SCML4: variants seen among roughly 807,000 people sequenced by gnomAD.
SCML4 encodes the protein sex comb on midleg-like protein 4.
In SCML4, 34 loss-of-function variants were observed where a neutral mutation model predicts 41.1. The observed-to-expected ratio is 0.83, with a 90% CI of 0.63 to 1.10. The LOEUF (loss-of-function observed/expected upper bound fraction) is 1.10, where lower values mean the gene tolerates loss of function less well. Ranked by LOEUF, SCML4 falls within the 50% of genes least tolerant of loss-of-function variation. The probability of loss-of-function intolerance (pLI) is 0.00; values close to 1 mark genes in which losing one functional copy is unlikely to be tolerated. For synonymous variants in SCML4, 214 were observed against 220.9 expected (o/e 0.97, Z 0.28); for missense variants, 522 against 534.1 (o/e 0.98, Z 0.22).
chr6:107,711,444 G>A (rs911689927), intron 6 of SCML4, among the ~76,000 whole-genome samples: 2 of 152,160 alleles, frequency 1.3e-5, no homozygotes, highest in African/African-American at 4.8e-5. Flanking sequence ...TGCTGTACAG[G>A]TTTGTAGCCT....
In SCML4 at chr6:107,792,268, G is replaced by GT. The variant is rs1399975280; in HGVS notation, c.-59-19883dup. Reference sequence around the variant, plus strand: ...TCCAGTGGCATGCCACAGGTCTCTAGTTTTAGTTCTATTCTACCCAATAAC... The same window carrying GT: ...TCCAGTGGCATGCCACAGGTCTCTAGTTTTTAGTTCTATTCTACCCAATAAC... On this transcript the variant is annotated intron_variant, in intron 1 of 7. Coordinates refer to ENST00000369020, the MANE Select transcript of SCML4 (RefSeq NM_198081.5). Among the ~76,000 whole-genome samples the GT allele has an allele frequency of 3.9e-5, 6 of 152,318 alleles. No individual in the cohort carries two copies. In the East Asian group the frequency reaches 9.7e-4, roughly 25 times the overall value.
intron 1 of SCML4, among the ~76,000 whole-genome samples, chr6:107,821,996 G>C (rs1312884334): frequency 6.6e-6 from 1 of 152,134 alleles, no homozygotes; most frequent in Non-Finnish European, 1.5e-5. Flanking sequence ...ATTCCTCTCC[G>C]AGCATTCCTT....
chr6:107,753,858 C>T (rs1778891038), intron 2 of SCML4, among the ~76,000 whole-genome samples: 1 of 152,138 alleles, frequency 6.6e-6, no homozygotes, highest in African/African-American at 2.4e-5. Flanking sequence ...AGAGGACGCA[C>T]ATACTTTCCA....
intron 1 of SCML4, among the ~76,000 whole-genome samples, chr6:107,778,916 C>T (rs959675951): frequency 1.3e-5 from 2 of 152,072 alleles, no homozygotes; most frequent in Non-Finnish European, 2.9e-5. Flanking sequence ...CGCGGTGGCT[C>T]ACGCCTGTAA....
intron 1 of SCML4, among the ~76,000 whole-genome samples, chr6:107,774,474 A>G (rs1583552235): frequency 6.6e-6 from 1 of 152,206 alleles, no homozygotes; most frequent in Non-Finnish European, 1.5e-5. Context: ...TTTTCCAAAA[A>G]GAGGCTACTA....
upstream of SCML4, among the ~76,000 whole-genome samples, chr6:107,827,663 C>T (rs111278088): frequency 2.5e-4 from 38 of 152,240 alleles, no homozygotes; most frequent in African/African-American, 9.1e-4. Context: ...GGTTGTGCCA[C>T]GTTGTTAATT....
chr6:107,776,113 A>G (rs1780924502), intron 1 of SCML4, among the ~76,000 whole-genome samples: 2 of 152,166 alleles, frequency 1.3e-5, no homozygotes, highest in African/African-American at 4.8e-5. Context: ...AGTACTGGAT[A>G]TTAGAAAACT....
At position 107,707,987 on chromosome 6, in the gene SCML4, T is replaced by C. The variant is rs931097635; in HGVS notation, c.998A>G (p.Gln333Arg). ...RCASSPSQDA[Q>R]DARRPRSRNP... is the part of the protein sequence containing the mutation. The stretch of plus-strand genomic sequence containing the variant: ...CCTGCTCCGTGGCCGCCTGGCATCC[T>C]GCGCATCCTGAGAAGGGCTTGAGGC... Residue 333 changes from glutamine (Q) to arginine (R), a missense_variant, in exon 7 of 8, where the codon CAG becomes CGG. By Grantham distance (43) the Gln-to-Arg change is conservative. Transcript: ENST00000369020. 1.9e-6 allele frequency: 3 copies of C among 1,551,096 alleles called. No homozygotes were observed. The highest frequency in any genetic ancestry group is 1.7e-6 in the Non-Finnish European group (2 of 1,147,006).
At chr6:107,738,248 G>C (rs1025714563) in intron 5 of SCML4, among the ~76,000 whole-genome samples, 2 of 152,172 alleles carry the variant, frequency 1.3e-5, no homozygotes, top group African/African-American at 2.4e-5. Flanking sequence ...GAATTGGAGG[G>C]AAATAACTAA....
rs561824653 is a variant in SCML4 at position 107,745,406 on chromosome 6, T to C, written c.488-263A>G. 17 of 417,028 alleles carry C rather than the reference T, an allele frequency of 4.1e-5. No homozygotes were observed. In the South Asian group the frequency reaches 4.9e-4, roughly 12 times the overall value. 25.8% of individuals were successfully genotyped at this position (417,028 alleles called of 1,614,324 possible). ...CTTGCCTTGTTTTTCATCACTCTAA[T>C]AGCTTTGAAGAGTACTGCTCAGGGT... is the stretch of plus-strand genomic sequence containing the variant. On this transcript the variant is annotated intron_variant, in intron 4 of 7. Transcript: ENST00000369020.
At chr6:107,772,596 A>C (rs1311195068) in intron 1 of SCML4, among the ~76,000 whole-genome samples, 1 of 152,126 alleles carries the variant, frequency 6.6e-6, no homozygotes, top group Non-Finnish European at 1.5e-5. Context: ...AGGATGTTGA[A>C]TTTCCATGGG....
chr6:107,751,784 C>T (rs896636206), intron 2 of SCML4, among the ~76,000 whole-genome samples: 3 of 151,816 alleles, frequency 2.0e-5, no homozygotes, highest in Non-Finnish European at 2.9e-5. Context: ...TACAGGTGCC[C>T]GCCACCACGC....
At chr6:107,810,365 C>CT (rs1784067410) in intron 1 of SCML4, among the ~76,000 whole-genome samples, 1 of 152,186 alleles carries the variant, frequency 6.6e-6, no homozygotes, top group Admixed American at 6.5e-5. Flanking sequence ...GGTTTGTTTG[C>CT]TGGTGCCTCC....
In SCML4 at chr6:107,782,171, C is replaced by T. The variant is rs142271649; in HGVS notation, c.-59-9785G>A. Among the ~76,000 whole-genome samples the T allele has an allele frequency of 1.9e-3, 292 of 152,314 alleles. 2 individuals carry two copies. The highest frequency in any genetic ancestry group is 6.8e-3 in the African/African-American group (281 of 41,576). ...TTCCAGCCTGCAGGATTCGGAAACG[C>T]TTTAGAACATTTTGAAGCATGAGCA... On this transcript the variant is annotated intron_variant, in intron 1 of 7. Coordinates refer to ENST00000369020, the MANE Select transcript of SCML4 (RefSeq NM_198081.5).
At chr6:107,708,565 A>G (rs1387414968) in intron 6 of SCML4, among the ~76,000 whole-genome samples, 1 of 152,170 alleles carries the variant, frequency 6.6e-6, no homozygotes, top group Non-Finnish European at 1.5e-5. Flanking sequence ...AGTGTGCCTC[A>G]GCATCTTCAG....
At chr6:107,836,884 T>C in the SCML4 span, among the ~76,000 whole-genome samples, 1 of 152,136 alleles carries the variant, frequency 6.6e-6, no homozygotes, top group Non-Finnish European at 1.5e-5. Flanking sequence ...GGGATATAAA[T>C]GCCACAGTCA....
intron 1 of SCML4, among the ~76,000 whole-genome samples, chr6:107,803,536 C>T (rs1296041505): frequency 6.7e-6 from 1 of 149,508 alleles, no homozygotes; most frequent in East Asian, 2.0e-4. Context: ...GCCACCACCC[C>T]GTCTGGGAGG....
At chr6:107,832,110 A>G in the SCML4 span, among the ~76,000 whole-genome samples, 3 of 151,566 alleles carry the variant, frequency 2.0e-5, no homozygotes, top group African/African-American at 7.3e-5. Flanking sequence ...GTGGTGGTGC[A>G]TGCCGGTAGT....
At chr6:107,734,239 T>A (rs1776837582) in intron 5 of SCML4, among the ~76,000 whole-genome samples, 1 of 152,232 alleles carries the variant, frequency 6.6e-6, no homozygotes, top group Non-Finnish European at 1.5e-5. Context: ...GGTGCTGGCA[T>A]CTTTAATCCA....
Sources: gnomAD v4.1 joint callset for allele counts (sites outside exome capture counted in the v4.1 genomes callset) on GRCh38, gnomAD v4.1.1 for gene constraint, MANE v1.5 for transcripts, NCBI Gene and HGNC (gene_info 2026-07-23, HGNC 2026-07-21) for gene names.